PRKN: variants seen among roughly 807,000 people sequenced by gnomAD.
PRKN encodes parkin RBR E3 ubiquitin protein ligase, also known as E3 ubiquitin-protein ligase parkin.
PRKN carries 56 observed loss-of-function variants against 59.5 expected under a neutral mutation model. That is an observed-to-expected ratio of 0.94 (90% CI 0.76 to 1.18). PRKN has a LOEUF of 1.18. PRKN is among the 50% of genes most tolerant of loss of function. The pLI is 0.00. For missense variants in PRKN, 657 were observed against 596.4 expected (o/e 1.10, Z -1.06); for synonymous variants, 250 against 222.1 (o/e 1.13, Z -1.12).
intron 10 of PRKN, among the ~76,000 whole-genome samples, chr6:161,375,841 G>C (rs1785675361): frequency 1.3e-5 from 2 of 152,206 alleles, no homozygotes; most frequent in Non-Finnish European, 2.9e-5. Flanking sequence ...GGCTTTAATG[G>C]AGATCTGTCG....
At chr6:162,464,708 A>G (rs1791338426) in intron 1 of PRKN, among the ~76,000 whole-genome samples, 1 of 150,878 alleles carries the variant, frequency 6.6e-6, no homozygotes, top group South Asian at 2.1e-4. Flanking sequence ...GGGCGCCTGT[A>G]GTCCCAGCTA....
chr6:162,294,082 G>C (rs1385437436), intron 2 of PRKN, among the ~76,000 whole-genome samples: 1 of 150,056 alleles, frequency 6.7e-6, no homozygotes, highest in South Asian at 2.1e-4. Context: ...GAGATCAGAA[G>C]GGGCCATGCA....
chr6:162,374,191 A>C (rs1785918210), intron 2 of PRKN, among the ~76,000 whole-genome samples: 1 of 152,174 alleles, frequency 6.6e-6, no homozygotes, highest in African/African-American at 2.4e-5. Context: ...GTTAACCAAA[A>C]CTCTAGGCAC....
In PRKN at chr6:161,409,740, G is replaced by A. The variant is rs552922006; in HGVS notation, c.1084-22863C>T. ...CCCAGTGTTCTTTCAGAGTCAGGTC[G>A]CTGTTAGATGACAACCCCTTCAGCA... On this transcript the variant is annotated intron_variant, in intron 9 of 11. Transcript: ENST00000366898. The surrounding 1 kb of genome is among the most constrained non-coding windows in gnomAD (Gnocchi z 4.6). Among the ~76,000 whole-genome samples, 16 of 152,264 alleles carry A rather than the reference G, an allele frequency of 1.1e-4. No individual in the cohort carries two copies. The highest frequency in any genetic ancestry group is 3.1e-4 in the African/African-American group (13 of 41,544).
chr6:162,096,690 C>T (rs966518392), intron 4 of PRKN, among the ~76,000 whole-genome samples: 1 of 151,950 alleles, frequency 6.6e-6, no homozygotes, highest in Non-Finnish European at 1.5e-5. Context: ...TTGCCTGCCG[C>T]CATGTAAGAT....
intron 9 of PRKN, among the ~76,000 whole-genome samples, chr6:161,436,022 G>C (rs1026902543): frequency 2.7e-5 from 1 of 36,644 alleles, no homozygotes; most frequent in East Asian, 1.5e-3. Flanking sequence ...GGGCAGAGAG[G>C]AGGGGGAGGG....
chr6:162,355,363 G>A (rs1489934291), intron 2 of PRKN, among the ~76,000 whole-genome samples: 2 of 148,062 alleles, frequency 1.4e-5, no homozygotes, highest in Non-Finnish European at 2.9e-5. Flanking sequence ...ATGAGAACTG[G>A]AACTTAAATT....
intron 4 of PRKN, among the ~76,000 whole-genome samples, chr6:162,166,743 G>C (rs73783433): frequency 6.6e-6 from 1 of 152,120 alleles, no homozygotes. Flanking sequence ...CTATCAAAAA[G>C]CAATCCTTAC....
intron 1 of PRKN, among the ~76,000 whole-genome samples, chr6:162,619,369 A>T (rs1252657035): frequency 6.6e-6 from 1 of 150,948 alleles, no homozygotes; most frequent in Non-Finnish European, 1.5e-5. Context: ...GACGGTCTCC[A>T]TCTCTTGACC....
chr6:162,532,242 C>T (rs1436222995), intron 1 of PRKN, among the ~76,000 whole-genome samples: 1 of 130,832 alleles, frequency 7.6e-6, no homozygotes, highest in Non-Finnish European at 1.8e-5. Context: ...AGCAACCTAG[C>T]TTTCCACAAA....
At chr6:162,110,431 A>AT (rs1362115024) in intron 4 of PRKN, among the ~76,000 whole-genome samples, 3 of 152,244 alleles carry the variant, frequency 2.0e-5, no homozygotes, top group African/African-American at 7.2e-5. Context: ...CAATGTGGAC[A>AT]TATCAAAACT....
intron 6 of PRKN, among the ~76,000 whole-genome samples, chr6:161,806,820 A>G (rs1407108145): frequency 6.6e-6 from 1 of 152,244 alleles, no homozygotes; most frequent in Admixed American, 6.5e-5. Context: ...TCAAGAGGCC[A>G]TAATCGAGTT....
rs1444225482 is a variant in PRKN at position 161,401,372 on chromosome 6, A to G, written c.1084-14495T>C. On this transcript the variant is annotated intron_variant, in intron 9 of 11. Coordinates refer to ENST00000366898, the MANE Select transcript of PRKN (RefSeq NM_004562.3). The surrounding 1 kb of genome is among the most constrained non-coding windows in gnomAD (Gnocchi z 4.4). ...ACATCTGTAATCCCAGCACTTTGGG[A>G]AGCCAAGGTGGGCAGATCACCTGAG... 6.6e-6 allele frequency among the ~76,000 whole-genome samples: 1 copy of G among 152,162 alleles called. No individual in the cohort carries two copies. The highest frequency in any genetic ancestry group is 1.5e-5 in the Non-Finnish European group (1 of 68,024).
chr6:162,492,539 T>C (rs1053695238), intron 1 of PRKN, among the ~76,000 whole-genome samples: 3 of 152,126 alleles, frequency 2.0e-5, no homozygotes, highest in Non-Finnish European at 2.9e-5. Flanking sequence ...TGGCTCACAC[T>C]TGTAATTCCA....
intron 6 of PRKN, among the ~76,000 whole-genome samples, chr6:161,953,431 T>G (rs1217502971): frequency 1.3e-5 from 2 of 152,150 alleles, no homozygotes; most frequent in Non-Finnish European, 2.9e-5. Context: ...ATTTATTTTT[T>G]AAGACAAATA....
intron 7 of PRKN, among the ~76,000 whole-genome samples, chr6:161,739,743 A>AT (rs1346491508): frequency 1.3e-5 from 2 of 151,088 alleles, no homozygotes; most frequent in South Asian, 2.1e-4. Context: ...ACATGTAACA[A>AT]TTTTTTTTCT....
chr6:161,433,596 T>C (rs1485892543), intron 9 of PRKN, among the ~76,000 whole-genome samples: 2 of 152,146 alleles, frequency 1.3e-5, no homozygotes, highest in African/African-American at 4.8e-5. Context: ...TGAGGCCCGA[T>C]ATAAACTCCC....
rs543919862 is a variant in PRKN at position 162,240,110 on chromosome 6, C to T, written c.412+22415G>A. On this transcript the variant is annotated intron_variant, in intron 3 of 11. Transcript: ENST00000366898. ...AATCCCAACCGGCAGGTTTTACGCT[C>T]AGGTTTGAATGACACTTTGCTAACC... Among the ~76,000 whole-genome samples, 5 of 152,240 alleles carry T rather than the reference C, an allele frequency of 3.3e-5. No individual in the cohort carries two copies. In the South Asian group the frequency reaches 1.0e-3, roughly 32 times the overall value.
At position 161,526,576 on chromosome 6, in the gene PRKN, A is replaced by C. The variant is rs1393707920; in HGVS notation, c.1083+22278T>G. Among the ~76,000 whole-genome samples the C allele has an allele frequency of 1.3e-5, 2 of 149,038 alleles. No homozygotes were observed. The highest frequency in any genetic ancestry group is 4.9e-5 in the African/African-American group (2 of 40,978). The stretch of plus-strand genomic sequence containing the variant: ...ATAGAAATATTAAAATATATATATA[A>C]ATATAAGTAATATAAATAAATATAA... On this transcript the variant is annotated intron_variant, in intron 9 of 11. Coordinates refer to ENST00000366898, the MANE Select transcript of PRKN (RefSeq NM_004562.3). This position sits in a 1 kb window ranked among gnomAD's most constrained non-coding sequence, Gnocchi z 4.1.
Sources: allele counts gnomAD v4.1 joint callset (sites outside exome capture counted in the v4.1 genomes callset), GRCh38; gene constraint gnomAD v4.1.1; non-coding constraint Gnocchi (gnomAD v3.1); transcripts MANE v1.5; gene names NCBI Gene and HGNC (gene_info 2026-07-23, HGNC 2026-07-21).